The following EDNRA variants were observed in gnomAD, a reference collection of about 807,000 sequenced individuals.
EDNRA encodes the protein endothelin receptor type A.
Under a neutral mutation model 41.4 loss-of-function variants are expected in EDNRA, and 11 were observed. The ratio of observed to expected loss-of-function variants is 0.27; its 90% confidence interval spans 0.17 to 0.44. The LOEUF (loss-of-function observed/expected upper bound fraction) is 0.44, where lower values mean the gene tolerates loss of function less well. Ranked by LOEUF, EDNRA falls within the 20% of genes least tolerant of loss-of-function variation. The pLI, the probability that EDNRA is intolerant of heterozygous loss-of-function variation, is 1.00. For missense variants in EDNRA, 294 were observed against 531.0 expected (o/e 0.55, Z 4.39); for synonymous variants, 172 against 183.0 (o/e 0.94, Z 0.49).
At chr4:147,520,400 T>C in intron 3 of EDNRA, 1 of 519,316 alleles carries the variant, frequency 1.9e-6, no homozygotes, top group Middle Eastern at 3.2e-4. Context: ...ATTGCTATGT[T>C]CTTCACCCTG....
At chr4:147,491,450 A>G (rs1729134045) in intron 2 of EDNRA, 1 of 152,200 alleles carries the variant, frequency 6.6e-6, no homozygotes, top group Non-Finnish European at 1.5e-5. Context: ...AGATACCTCA[A>G]GCATAGTAGA....
At chr4:147,506,517 GA>G in intron 2 of EDNRA, 1 of 280,180 alleles carries the variant, frequency 3.6e-6, no homozygotes. Flanking sequence ...TACTGAATGT[GA>G]AAGGAAAGAG....
intron 1 of EDNRA, among the ~76,000 whole-genome samples, chr4:147,482,108 A>G (rs1057172117): frequency 1.3e-5 from 2 of 152,208 alleles, no homozygotes; most frequent in Non-Finnish European, 2.9e-5. Flanking sequence ...TTAACCAGAG[A>G]GCAAAACCTC....
chr4:147,528,880 G>A (rs1325682507), intron 3 of EDNRA, among the ~76,000 whole-genome samples: 1 of 152,140 alleles, frequency 6.6e-6, no homozygotes, highest in East Asian at 1.9e-4. Context: ...ATTCTCACAG[G>A]GGTGGGAAGC....
intron 2 of EDNRA, chr4:147,491,552 TA>T (rs1560894090): frequency 1.3e-5 from 2 of 151,962 alleles, no homozygotes; most frequent in South Asian, 2.1e-4. Flanking sequence ...ATATTCAAAT[TA>T]AAATGATGAT....
chr4:147,532,496 T>C lies in EDNRA; in HGVS notation c.549-10T>C, dbSNP rs10305905. ...TCCTAACAACTTGGTTCCATTACCC[T>C]TTTTTTCAGGTACAGAGCAGTTGCC... is the stretch of plus-strand genomic sequence containing the variant. On this transcript the variant is annotated splice_polypyrimidine_tract_variant and intron_variant, in intron 3 of 7. Coordinates refer to ENST00000651419, the MANE Select transcript of EDNRA (RefSeq NM_001957.4). 1,358 of 1,610,404 alleles carry C rather than the reference T, an allele frequency of 8.4e-4. 3 individuals are homozygous for C. Among genetic ancestry groups the C allele is most frequent in the Non-Finnish European group, 1.1e-3 (1,303 of 1,177,098 alleles).
chr4:147,531,753 T>TC (rs1419897888), intron 3 of EDNRA: 1 of 152,526 alleles, frequency 6.6e-6, no homozygotes, highest in African/African-American at 2.4e-5. Context: ...ACGCCTGTAA[T>TC]CCCAACACTT....
chr4:147,544,816 G>C lies in EDNRA; in HGVS notation c.*2198G>C, dbSNP rs956663355. ...TATTTATGGACTGGTAAGTAACTGTGGTTTACTAGCAGGAATATTTCCAAT... is the reference window on the plus strand; with the variant it reads ...TATTTATGGACTGGTAAGTAACTGTCGTTTACTAGCAGGAATATTTCCAAT... On this transcript the variant is annotated 3_prime_UTR_variant, in exon 8 of 8. Coordinates refer to ENST00000651419, the MANE Select transcript of EDNRA (RefSeq NM_001957.4). 6.6e-6 allele frequency: 1 copy of C among 152,468 alleles called. No individual in the cohort carries two copies. The highest frequency in any genetic ancestry group is 1.5e-5 in the Non-Finnish European group (1 of 68,010). The allele number at this position is 152,468 out of a possible 1,614,324, so 9.4% of individuals were successfully genotyped here.
intron 3 of EDNRA, among the ~76,000 whole-genome samples, chr4:147,526,494 C>T (rs1452382661): frequency 6.6e-6 from 1 of 152,178 alleles, no homozygotes; most frequent in African/African-American, 2.4e-5. Context: ...GTTTTTGCTC[C>T]AGCAGGCTCA....
At chr4:147,516,234 G>A (rs1161714797) in intron 2 of EDNRA, among the ~76,000 whole-genome samples, 3 of 152,208 alleles carry the variant, frequency 2.0e-5, no homozygotes, top group African/African-American at 7.2e-5. Context: ...CAGCTCTTAG[G>A]AAGGTGGGCA....
chr4:147,538,486 A>G (rs547208330), intron 5 of EDNRA, among the ~76,000 whole-genome samples: 17 of 152,310 alleles, frequency 1.1e-4, no homozygotes, highest in Middle Eastern at 3.4e-3. Context: ...TCAGACTATC[A>G]TGGCAGTGTA....
intron 2 of EDNRA, among the ~76,000 whole-genome samples, chr4:147,499,825 G>C (rs1203466851): frequency 1.0e-5 from 1 of 100,444 alleles, no homozygotes. Context: ...TTTTTTTTGA[G>C]ACGGAGTCTC....
chr4:147,500,803 C>A (rs1729493461), intron 2 of EDNRA, among the ~76,000 whole-genome samples: 1 of 151,204 alleles, frequency 6.6e-6, no homozygotes, highest in African/African-American at 2.4e-5. Flanking sequence ...TCAACCATGT[C>A]ATTCTGCCAG....
In EDNRA at chr4:147,542,670, A is replaced by G; in HGVS notation, c.*52A>G. The G allele has an allele frequency of 6.3e-7, 1 of 1,591,984 alleles. No homozygotes were observed. Among genetic ancestry groups the G allele is most frequent in the East Asian group, 2.3e-5 (1 of 44,440 alleles). ...TCCCATAATCCTCTCGGAGAAAAAA[A>G]TCACAAGGCAACTGTGAGTCCGGGA... On this transcript the variant is annotated 3_prime_UTR_variant, in exon 8 of 8. Coordinates refer to ENST00000651419, the MANE Select transcript of EDNRA (RefSeq NM_001957.4).
rs5343 is a variant in EDNRA, at chr4:147,543,840, C to T, written c.*1222C>T. The T allele has an allele frequency of 0.28, 43,286 of 152,376 alleles. 6,819 individuals are homozygous for T. Among genetic ancestry groups the T allele is most frequent in the Admixed American group, 0.38 (5,794 of 15,264 alleles). The allele number at this position is 152,376 out of a possible 1,614,324, so 9.4% of individuals were successfully genotyped here. On this transcript the variant is annotated 3_prime_UTR_variant, in exon 8 of 8. Coordinates refer to ENST00000651419, the MANE Select transcript of EDNRA (RefSeq NM_001957.4). ...CACCAGAACTTACGATTCTTCACTT[C>T]TTGGGGTTTTCAGTATGAACCTAAC...
At chr4:147,501,924 G>A (rs1163015531) in intron 2 of EDNRA, among the ~76,000 whole-genome samples, 2 of 152,144 alleles carry the variant, frequency 1.3e-5, no homozygotes, top group African/African-American at 4.8e-5. Context: ...GATATAAATT[G>A]CCAAATTGTC....
At chr4:147,538,533 A>G (rs1730990782) in intron 5 of EDNRA, among the ~76,000 whole-genome samples, 1 of 152,196 alleles carries the variant, frequency 6.6e-6, no homozygotes, top group Non-Finnish European at 1.5e-5. Context: ...CTCTTTGAGT[A>G]TGCACTCAGG....
chr4:147,512,811 A>G (rs1210746502), intron 2 of EDNRA, among the ~76,000 whole-genome samples: 1 of 152,054 alleles, frequency 6.6e-6, no homozygotes, highest in Non-Finnish European at 1.5e-5. Flanking sequence ...AGAAGCTGTT[A>G]TTTCTGCTTA....
Position 147,486,118 on chromosome 4 carries a change from A to G in EDNRA, c.420+17A>G, listed in dbSNP as rs201800988. On this transcript the variant is annotated intron_variant, in intron 2 of 7. Transcript: ENST00000651419. This position sits in a 1 kb window ranked among gnomAD's most constrained non-coding sequence, Gnocchi z 4.3. Reference sequence around the variant, plus strand: ...GTATTTAAGGTAGGAAGTAACCACAAATGTATTTGCAAATTTAAACCCATG... The same window carrying G: ...GTATTTAAGGTAGGAAGTAACCACAGATGTATTTGCAAATTTAAACCCATG... 6.9e-6 allele frequency: 11 copies of G among 1,587,716 alleles called. No homozygotes were observed. In the African/African-American group the frequency reaches 1.1e-4, roughly 16 times the overall value.
Sources: allele counts gnomAD v4.1 joint callset (sites outside exome capture counted in the v4.1 genomes callset), GRCh38; gene constraint gnomAD v4.1.1; non-coding constraint Gnocchi (gnomAD v3.1); transcripts MANE v1.5; gene names NCBI Gene and HGNC (gene_info 2026-07-23, HGNC 2026-07-21).